LGI1: variants seen among roughly 807,000 people sequenced by gnomAD.
The protein encoded by LGI1 is leucine rich glioma inactivated 1.
Under a neutral mutation model 57.7 loss-of-function variants are expected in LGI1, and 11 were observed. That is an observed-to-expected ratio of 0.19 (90% CI 0.12 to 0.32). The LOEUF (loss-of-function observed/expected upper bound fraction) is 0.32, where lower values mean the gene tolerates loss of function less well. LGI1 is among the 10% of genes least tolerant of loss of function. The pLI is 1.00. For missense variants in LGI1, 422 were observed against 661.9 expected, an observed-to-expected ratio of 0.64 and a Z score of 3.98; for synonymous variants, 222 against 241.9, an observed-to-expected ratio of 0.92 and a Z score of 0.76.
At chr10:93,781,405 A>T (rs1360255094) in intron 4 of LGI1, among the ~76,000 whole-genome samples, 1 of 151,900 alleles carries the variant, frequency 6.6e-6, no homozygotes, top group Non-Finnish European at 1.5e-5. Context: ...AAAAGTTATT[A>T]TATATACCTG....
intron 4 of LGI1, among the ~76,000 whole-genome samples, chr10:93,785,720 A>ACCACCACATGGCACACAAAAGGGTG (rs1461436310): frequency 4.1e-5 from 2 of 48,762 alleles, no homozygotes; most frequent in Admixed American, 3.4e-4. Context: ...AATTTTATCC[A>ACCACCACATGGCACACAAAAGGGTG]GGTATTTTGC....
intron 2 of LGI1, among the ~76,000 whole-genome samples, chr10:93,774,276 C>T (rs1263958217): frequency 1.3e-5 from 2 of 152,084 alleles, no homozygotes; most frequent in Non-Finnish European, 2.9e-5. Context: ...AGAATTTAAC[C>T]AGAATCTCCA....
chr10:93,758,240 T>A lies in LGI1; in HGVS notation c.96T>A (p.Thr32=). ...GTCTCTTATCTGCGCTTTTGCTGAC[T>A]GAGGGGAAGAAACCAGCGAAGCCAA... ...FLCLLSALLL[T]EGKKPAKPKC... is the part of the protein sequence containing the mutation. Residue 32 remains threonine, a synonymous_variant, in exon 1 of 8, where the codon ACT becomes ACA. Transcript: ENST00000371418. The surrounding 1 kb of genome is among the most constrained non-coding windows in gnomAD (Gnocchi z 4.7). The A allele has an allele frequency of 6.2e-7, 1 of 1,614,178 alleles. No individual in the cohort carries two copies.
intron 2 of LGI1, among the ~76,000 whole-genome samples, chr10:93,765,843 G>A (rs2059669008): frequency 6.6e-6 from 1 of 151,954 alleles, no homozygotes; most frequent in East Asian, 1.9e-4. Context: ...GGTGGCGGGC[G>A]CCTGTAGTCC....
rs1189897244 is a variant in LGI1 at position 93,758,931 on chromosome 10, T to C, written c.287+100T>C. 1.1e-6 allele frequency: 1 copy of C among 943,118 alleles called. No homozygotes were observed. The highest frequency in any genetic ancestry group is 2.4e-5 in the East Asian group (1 of 41,096). The allele number at this position is 943,118 out of a possible 1,614,324, so 58.4% of individuals were successfully genotyped here. On this transcript the variant is annotated intron_variant, in intron 2 of 7. Coordinates refer to ENST00000371418, the MANE Select transcript of LGI1 (RefSeq NM_005097.4). This position sits in a 1 kb window ranked among gnomAD's most constrained non-coding sequence, Gnocchi z 4.7. ...ATATTAATTTTGTCAAATGTGATTC[T>C]ATTTCTGAGAAAACAGAATATCCGT...
intron 4 of LGI1, among the ~76,000 whole-genome samples, 192 bp downstream of exon 4, chr10:93,777,809 A>G (rs768619409): frequency 2.0e-5 from 3 of 152,216 alleles, no homozygotes; most frequent in Non-Finnish European, 4.4e-5. Flanking sequence ...TACTATTAAT[A>G]TTTTTATCCA....
intron 2 of LGI1, among the ~76,000 whole-genome samples, chr10:93,773,188 A>G (rs1419016862): frequency 6.6e-6 from 1 of 152,176 alleles, no homozygotes; most frequent in East Asian, 1.9e-4. Context: ...TGTGATTTTA[A>G]GACTGCTTAC....
chr10:93,775,110 G>T (rs978214089), intron 2 of LGI1, among the ~76,000 whole-genome samples: 1 of 152,068 alleles, frequency 6.6e-6, no homozygotes, highest in Non-Finnish European at 1.5e-5. Context: ...AAGAAAAAGT[G>T]CACGTTATAA....
intron 7 of LGI1, among the ~76,000 whole-genome samples, chr10:93,794,358 C>G (rs2059961918): frequency 1.1e-5 from 1 of 90,748 alleles, no homozygotes; most frequent in Non-Finnish European, 2.5e-5. Flanking sequence ...TTATCTGGAT[C>G]TCTCTTTTTT....
intron 4 of LGI1, 145 bp from the exon 5 acceptor site, chr10:93,789,954 T>C (rs2059921823): frequency 1.4e-6 from 1 of 709,472 alleles, no homozygotes; most frequent in African/African-American, 1.8e-5. Context: ...GGAATCTGAG[T>C]AGTAGTTCAG....
intron 4 of LGI1, among the ~76,000 whole-genome samples, chr10:93,784,498 C>G (rs578131722): frequency 6.6e-6 from 1 of 152,160 alleles, no homozygotes; most frequent in Non-Finnish European, 1.5e-5. Flanking sequence ...CTTCCCTGTC[C>G]ACGTCACCCC....
At chr10:93,793,380 G>C (rs749031343) in intron 7 of LGI1, 30 bp downstream of exon 7, 2 of 1,601,250 alleles carry the variant, frequency 1.2e-6, no homozygotes, top group Non-Finnish European at 1.7e-6. Flanking sequence ...ATTTTGAGTG[G>C]TAATTTAAAC....
chr10:93,780,582 C>A (rs1465141822), intron 4 of LGI1, among the ~76,000 whole-genome samples: 1 of 152,116 alleles, frequency 6.6e-6, no homozygotes, highest in Admixed American at 6.5e-5. Context: ...TCCTGACGAC[C>A]CCGTGAAAGA....
intron 4 of LGI1, among the ~76,000 whole-genome samples, chr10:93,781,215 C>T (rs189191457): frequency 4.6e-5 from 7 of 151,924 alleles, no homozygotes; most frequent in East Asian, 1.9e-4. Flanking sequence ...AAAAATTAGC[C>T]GGGCGTGGTG....
At chr10:93,790,426 C>G (rs1369547832) in intron 5 of LGI1, 1 of 456,696 alleles carries the variant, frequency 2.2e-6, no homozygotes. Flanking sequence ...CGGCAGGGAG[C>G]GATGATAAAG....
At chr10:93,779,596 G>C (rs2059828794) in intron 4 of LGI1, among the ~76,000 whole-genome samples, 2 of 152,162 alleles carry the variant, frequency 1.3e-5, no homozygotes, top group South Asian at 4.1e-4. Flanking sequence ...TGACATCCTA[G>C]TGTAGGACAC....
intron 2 of LGI1, chr10:93,767,994 C>T (rs531491516): frequency 2.6e-5 from 4 of 152,246 alleles, no homozygotes; most frequent in East Asian, 1.9e-4. Context: ...ATAAAAGAGT[C>T]GCATTGTCAA....
intron 2 of LGI1, among the ~76,000 whole-genome samples, chr10:93,760,787 G>A (rs561120371): frequency 2.8e-4 from 42 of 152,306 alleles, no homozygotes; most frequent in Middle Eastern, 3.4e-3. Flanking sequence ...TGCCATGCCC[G>A]TGCCCCATGC....
At chr10:93,767,155 C>T (rs958347024) in intron 2 of LGI1, 3 of 152,102 alleles carry the variant, frequency 2.0e-5, no homozygotes, top group East Asian at 1.9e-4. Context: ...AAAGAGTGGC[C>T]GCATTGCTGG....
Sources: gnomAD v4.1 joint callset for allele counts (sites outside exome capture counted in the v4.1 genomes callset) on GRCh38, gnomAD v4.1.1 for gene constraint, Gnocchi (gnomAD v3.1) non-coding constraint, MANE v1.5 for transcripts, NCBI Gene and HGNC (gene_info 2026-07-23, HGNC 2026-07-21) for gene names.